ARHGAP15: variants seen among roughly 807,000 people sequenced by gnomAD.
ARHGAP15 encodes rho GTPase-activating protein 15.
ARHGAP15 carries 51 observed loss-of-function variants against 63.7 expected under a neutral mutation model. That is an observed-to-expected ratio of 0.80 (90% CI 0.64 to 1.01). The LOEUF (loss-of-function observed/expected upper bound fraction) is 1.01, where lower values mean the gene tolerates loss of function less well. Among genes scored for constraint, ARHGAP15 ranks in the 50% least tolerant of loss-of-function variants. The pLI is 0.00. For synonymous variants in ARHGAP15, 191 were observed against 193.8 expected, an observed-to-expected ratio of 0.99 and a Z score of 0.12; for missense variants, 560 against 564.6, an observed-to-expected ratio of 0.99 and a Z score of 0.08.
intron 2 of ARHGAP15, among the ~76,000 whole-genome samples, chr2:143,165,607 A>G: frequency 6.6e-6 from 1 of 152,080 alleles, no homozygotes; most frequent in East Asian, 1.9e-4. Context: ...TTCTGTACTT[A>G]AAAAAATGTA....
intron 6 of ARHGAP15, among the ~76,000 whole-genome samples, chr2:143,355,331 A>G (rs1302280407): frequency 1.3e-5 from 2 of 152,228 alleles, no homozygotes; most frequent in African/African-American, 4.8e-5. Context: ...TTCAAGTTCC[A>G]TAACTAGACA....
At chr2:143,374,187 A>G (rs977866248) in intron 6 of ARHGAP15, among the ~76,000 whole-genome samples, 5 of 152,214 alleles carry the variant, frequency 3.3e-5, no homozygotes, top group African/African-American at 1.2e-4. Flanking sequence ...TGGCTAAGAA[A>G]GAACAGATTT....
chr2:143,547,857 T>C (rs902560908), intron 10 of ARHGAP15, among the ~76,000 whole-genome samples: 7 of 152,040 alleles, frequency 4.6e-5, no homozygotes, highest in Non-Finnish European at 7.4e-5. Flanking sequence ...CAAGAATACC[T>C]GATAATAGTA....
chr2:143,656,464 C>G (rs1401779945), intron 12 of ARHGAP15, among the ~76,000 whole-genome samples: 1 of 152,206 alleles, frequency 6.6e-6, no homozygotes, highest in East Asian at 1.9e-4. Flanking sequence ...TCCCACTCCA[C>G]TGGAACCAAT....
At chr2:143,251,433 T>C (rs896291198) in intron 6 of ARHGAP15, among the ~76,000 whole-genome samples, 2 of 152,042 alleles carry the variant, frequency 1.3e-5, no homozygotes, top group Non-Finnish European at 2.9e-5. Context: ...CTTCTACTCT[T>C]AAATGCTTTG....
intron 13 of ARHGAP15, among the ~76,000 whole-genome samples, chr2:143,748,477 G>T (rs991005138): frequency 4.6e-5 from 7 of 152,120 alleles, no homozygotes; most frequent in Non-Finnish European, 1.0e-4. Context: ...TATACCTACT[G>T]GTTTTAAGAC....
intron 5 of ARHGAP15, among the ~76,000 whole-genome samples, chr2:143,232,762 A>G (rs1193192901): frequency 6.6e-6 from 1 of 152,102 alleles, no homozygotes; most frequent in East Asian, 1.9e-4. Flanking sequence ...TTTCAAACCT[A>G]TAGCTATATA....
intron 8 of ARHGAP15, among the ~76,000 whole-genome samples, chr2:143,471,072 A>T (rs1363288184): frequency 6.7e-6 from 1 of 149,776 alleles, no homozygotes. Flanking sequence ...CACATATGAT[A>T]CACATGTATA....
chr2:143,600,894 T>C (rs1697742597), intron 11 of ARHGAP15, among the ~76,000 whole-genome samples: 2 of 152,206 alleles, frequency 1.3e-5, no homozygotes, highest in African/African-American at 2.4e-5. Flanking sequence ...GAAAATGCAA[T>C]GAAAATAACA....
intron 6 of ARHGAP15, among the ~76,000 whole-genome samples, chr2:143,429,343 T>C (rs1286724687): frequency 2.0e-5 from 3 of 151,996 alleles, no homozygotes; most frequent in South Asian, 2.1e-4. Context: ...AATTTTATTA[T>C]GCAGAACAAA....
At chr2:143,252,498 A>G (rs2104983941) in intron 6 of ARHGAP15, among the ~76,000 whole-genome samples, 1 of 152,114 alleles carries the variant, frequency 6.6e-6, no homozygotes, top group East Asian at 1.9e-4. Flanking sequence ...ATGTAATTGA[A>G]CAGTTCATGG....
intron 6 of ARHGAP15, among the ~76,000 whole-genome samples, chr2:143,366,666 ATTAT>A (rs928684821): frequency 1.3e-5 from 2 of 152,092 alleles, no homozygotes; most frequent in African/African-American, 4.8e-5. Context: ...GTTTCAGTTT[ATTAT>A]TTGAAGATTT....
At chr2:143,686,668 T>A (rs1482112470) in intron 12 of ARHGAP15, among the ~76,000 whole-genome samples, 1 of 152,146 alleles carries the variant, frequency 6.6e-6, no homozygotes, top group Non-Finnish European at 1.5e-5. Flanking sequence ...CCATCTCAAA[T>A]CACTTTTAAT....
intron 5 of ARHGAP15, among the ~76,000 whole-genome samples, chr2:143,249,302 T>A (rs1255975969): frequency 6.7e-6 from 1 of 149,564 alleles, no homozygotes; most frequent in Non-Finnish European, 1.5e-5. Flanking sequence ...CAGAAAAAAG[T>A]CTCATAATTT....
At chr2:143,281,566 G>T (rs2105084122) in intron 6 of ARHGAP15, among the ~76,000 whole-genome samples, 1 of 152,240 alleles carries the variant, frequency 6.6e-6, no homozygotes. Flanking sequence ...TCTTCCATAG[G>T]TAACGTGGAC....
Position 143,164,674 on chromosome 2 carries a change from T to C in ARHGAP15, c.165+9019T>C, listed in dbSNP as rs115610962. Among the ~76,000 whole-genome samples, 1,428 of 152,078 alleles carry C rather than the reference T, an allele frequency of 9.4e-3. 24 individuals are homozygous for C. Among genetic ancestry groups the C allele is most frequent in the African/African-American group, 0.033 (1,352 of 41,524 alleles). On this transcript the variant is annotated intron_variant, in intron 2 of 13. Coordinates refer to ENST00000295095, the MANE Select transcript of ARHGAP15 (RefSeq NM_018460.4). The stretch of plus-strand genomic sequence containing the variant: ...GGGAAATTCAGTTACTTGATTTTTT[T>C]CTCCTCTTCCTCTTGAATTTCCTCC...
Position 143,253,163 on chromosome 2 carries a change from AAAG to A in ARHGAP15, c.474+2568_474+2570del, listed in dbSNP as rs372454829. Among the ~76,000 whole-genome samples, 597 of 151,808 alleles carry A rather than the reference AAAG, an allele frequency of 3.9e-3. 5 individuals carry two copies. The highest frequency in any genetic ancestry group is 0.013 in the African/African-American group (552 of 41,456). On this transcript the variant is annotated intron_variant, in intron 6 of 13. Coordinates refer to ENST00000295095, the MANE Select transcript of ARHGAP15 (RefSeq NM_018460.4). ...TGAGATTTTTGGTTCAAGGAAAATC[AAAG>A]AAGAGCAAAATTAGAAATATTTTAA...
chr2:143,532,593 C>A (rs1694568158), intron 10 of ARHGAP15, among the ~76,000 whole-genome samples: 1 of 152,156 alleles, frequency 6.6e-6, no homozygotes, highest in Non-Finnish European at 1.5e-5. Context: ...TAGAAATCAA[C>A]TATTCTTGAC....
intron 8 of ARHGAP15, 119 bp from the exon 9 acceptor site, chr2:143,487,254 G>A: frequency 2.5e-6 from 3 of 1,182,480 alleles, no homozygotes; most frequent in Non-Finnish European, 3.5e-6. Flanking sequence ...AGACAGAAGA[G>A]CCTGAGCTAT....
Sources: gnomAD v4.1 joint callset for allele counts (sites outside exome capture counted in the v4.1 genomes callset) on GRCh38, gnomAD v4.1.1 for gene constraint, MANE v1.5 for transcripts, NCBI Gene and HGNC (gene_info 2026-07-23, HGNC 2026-07-21) for gene names.